The following MAP3K4 variants were observed in gnomAD, a reference collection of about 807,000 sequenced individuals.
The protein encoded by MAP3K4 is MAP three kinase 1.
MAP3K4 carries 67 observed loss-of-function variants against 185.6 expected under a neutral mutation model. That is an observed-to-expected ratio of 0.36 (90% CI 0.30 to 0.44). The LOEUF is 0.44. Among genes scored for constraint, MAP3K4 ranks in the 20% least tolerant of loss-of-function variants. The probability of loss-of-function intolerance (pLI) is 1.00; values close to 1 mark genes in which losing one functional copy is unlikely to be tolerated. For synonymous variants in MAP3K4, 702 were observed against 710.4 expected (o/e 0.99, Z 0.19); for missense variants, 1,551 against 1,995.1 (o/e 0.78, Z 4.24).
In MAP3K4 at chr6:161,068,049, G is replaced by A. The variant is rs192359829; in HGVS notation, c.1708-2559G>A. Among the ~76,000 whole-genome samples the A allele has an allele frequency of 2.0e-5, 3 of 152,248 alleles. No individual in the cohort carries two copies. In the East Asian group the frequency reaches 5.8e-4, roughly 29 times the overall value. ...AAGAAGAAACACTGGCACTTTTATA[G>A]GAGTATTTACCTATTAATTTATTCA... On this transcript the variant is annotated intron_variant, in intron 3 of 26. Coordinates refer to ENST00000392142, the MANE Select transcript of MAP3K4 (RefSeq NM_005922.4).
intron 1 of MAP3K4, among the ~76,000 whole-genome samples, chr6:161,019,552 G>A (rs1260419445): frequency 5.3e-5 from 8 of 152,106 alleles, no homozygotes; most frequent in Admixed American, 3.9e-4. Context: ...AATTACAGGC[G>A]TGTGCTACCA....
intron 2 of MAP3K4, among the ~76,000 whole-genome samples, chr6:161,041,908 G>GTTTTTTTTTT: frequency 1.1e-5 from 1 of 94,396 alleles, no homozygotes; most frequent in African/African-American, 4.3e-5. Flanking sequence ...TTGAGTTATT[G>GTTTTTTTTTT]TTTCTTTTTT....
At chr6:161,094,830 A>G (rs936642505) in intron 15 of MAP3K4, among the ~76,000 whole-genome samples, 1 of 152,244 alleles carries the variant, frequency 6.6e-6, no homozygotes, top group African/African-American at 2.4e-5. Flanking sequence ...GTTATTGCTT[A>G]AGCTGTGAAT....
Position 161,088,061 on chromosome 6 carries a change from A to C in MAP3K4, c.2823+107A>C. 1.7e-6 allele frequency: 2 copies of C among 1,162,290 alleles called. No homozygotes were observed. The highest frequency in any genetic ancestry group is 3.1e-5 in the South Asian group (2 of 63,640). The allele number at this position is 1,162,290 out of a possible 1,614,324, so 72.0% of individuals were successfully genotyped here. On this transcript the variant is annotated intron_variant, in intron 10 of 26. Transcript: ENST00000392142. The surrounding 1 kb of genome is among the most constrained non-coding windows in gnomAD (Gnocchi z 4.5). ...GGGTTTGACTACCCTAGTAATCACAAGTATATACTTCCCAAAAATATGCCT... is the reference window on the plus strand; with the variant it reads ...GGGTTTGACTACCCTAGTAATCACACGTATATACTTCCCAAAAATATGCCT...
In MAP3K4 at chr6:161,087,797, C is replaced by G. The variant is rs762668718; in HGVS notation, c.2666C>G (p.Ser889Ter). 2 of 1,614,024 alleles carry G rather than the reference C, an allele frequency of 1.2e-6. No homozygotes were observed. The highest frequency in any genetic ancestry group is 1.7e-6 in the Non-Finnish European group (2 of 1,180,036). Reference sequence around the variant, plus strand: ...AATGCAGCTGCAGGAAAGGACTGTTCAAAAGATTCAGATGACGTACTCATC... The same window carrying G: ...AATGCAGCTGCAGGAAAGGACTGTTGAAAAGATTCAGATGACGTACTCATC... ...LLNAAAGKDCSKDSDDVLIDA... is the reference protein window; with the variant it reads ...LLNAAAGKDC Residue 889 changes from serine to a stop codon, truncating the protein, a stop_gained, in exon 10 of 27, where the codon TCA becomes TGA. Transcript: ENST00000392142. LOFTEE classifies it high-confidence loss of function. This position sits in a 1 kb window ranked among gnomAD's most constrained non-coding sequence, Gnocchi z 4.9.
In MAP3K4 at chr6:161,075,941, TAGGA is replaced by T. The variant is rs984163172; in HGVS notation, c.2097+2339_2097+2342del. 6.6e-6 allele frequency among the ~76,000 whole-genome samples: 1 copy of T among 152,084 alleles called. No homozygotes were observed. Among genetic ancestry groups the T allele is most frequent in the African/African-American group, 2.4e-5 (1 of 41,406 alleles). ...GCCCAAACAAAATCAGTGTTTCTAT[TAGGA>T]AGGAAGGAAAGAACAGCAATTGAAT... On this transcript the variant is annotated intron_variant, in intron 5 of 26. Transcript: ENST00000392142. The surrounding 1 kb of genome is among the most constrained non-coding windows in gnomAD (Gnocchi z 4.3).
At position 161,086,492 on chromosome 6, in the gene MAP3K4, C is replaced by G; in HGVS notation, c.2472+14C>G. Reference sequence around the variant, plus strand: ...ATGTTGAGAAAGGTGAGCTTGCAATCCTGATTAATTAGTACCTTTTTTCTT... The same window carrying G: ...ATGTTGAGAAAGGTGAGCTTGCAATGCTGATTAATTAGTACCTTTTTTCTT... On this transcript the variant is annotated intron_variant, in intron 8 of 26. Coordinates refer to ENST00000392142, the MANE Select transcript of MAP3K4 (RefSeq NM_005922.4). This position sits in a 1 kb window ranked among gnomAD's most constrained non-coding sequence, Gnocchi z 4.8. The G allele has an allele frequency of 6.2e-7, 1 of 1,610,152 alleles. No individual in the cohort carries two copies. The highest frequency in any genetic ancestry group is 8.5e-7 in the Non-Finnish European group (1 of 1,177,232).
In MAP3K4 at chr6:161,109,941, T is replaced by G. The variant is rs986799910; in HGVS notation, c.4396+27T>G. Reference sequence around the variant, plus strand: ...TAATCCCACACCCGCCTGGCTGCTGTGGGCCAGAGCCACTGGTACCCAGCC... The same window carrying G: ...TAATCCCACACCCGCCTGGCTGCTGGGGGCCAGAGCCACTGGTACCCAGCC... On this transcript the variant is annotated intron_variant, in intron 23 of 26. Transcript: ENST00000392142. The surrounding 1 kb of genome is among the most constrained non-coding windows in gnomAD (Gnocchi z 5.7). 2 of 1,611,854 alleles carry G rather than the reference T, an allele frequency of 1.2e-6. No homozygotes were observed. The highest frequency in any genetic ancestry group is 2.7e-5 in the African/African-American group (2 of 74,836).
chr6:161,007,655 A>G lies in MAP3K4; in HGVS notation c.152+15572A>G, dbSNP rs1006426348. Among the ~76,000 whole-genome samples, 6 of 152,216 alleles carry G rather than the reference A, an allele frequency of 3.9e-5. No individual in the cohort carries two copies. The highest frequency in any genetic ancestry group is 1.4e-4 in the African/African-American group (6 of 41,440). On this transcript the variant is annotated intron_variant, in intron 1 of 26. Transcript: ENST00000392142. This position sits in a 1 kb window ranked among gnomAD's most constrained non-coding sequence, Gnocchi z 4.5. The stretch of plus-strand genomic sequence containing the variant: ...TCCTGTATAGCCTCTGAAAATCTGT[A>G]AAGGTTTTTCTCCTTTTTAAAAAAA...
intron 1 of MAP3K4, among the ~76,000 whole-genome samples, chr6:161,030,338 T>C (rs946868125): frequency 1.8e-4 from 28 of 152,226 alleles, no homozygotes; most frequent in Admixed American, 1.8e-3. Flanking sequence ...ATTTCAGATA[T>C]ATTTTTTATC....
intron 1 of MAP3K4, among the ~76,000 whole-genome samples, chr6:161,015,916 G>GT (rs1399112798): frequency 2.0e-5 from 3 of 152,168 alleles, no homozygotes; most frequent in Non-Finnish European, 4.4e-5. Flanking sequence ...AACTATAGCA[G>GT]TGGGAGTACT....
chr6:161,115,732 T>G lies in MAP3K4; in HGVS notation c.4806+430T>G, dbSNP rs1043526271. ...TTTCTCTAGAATGAGGTACCTTAGT[T>G]GTTTAAGAGCCACAGCCAGGTCAGA... On this transcript the variant is annotated intron_variant, in intron 26 of 26. Transcript: ENST00000392142. This position sits in a 1 kb window ranked among gnomAD's most constrained non-coding sequence, Gnocchi z 6.0. Among the ~76,000 whole-genome samples the G allele has an allele frequency of 6.6e-6, 1 of 152,150 alleles. No homozygotes were observed. The highest frequency in any genetic ancestry group is 1.5e-5 in the Non-Finnish European group (1 of 68,024).
intron 15 of MAP3K4, among the ~76,000 whole-genome samples, chr6:161,095,890 T>C (rs1413988919): frequency 1.3e-5 from 2 of 152,356 alleles, no homozygotes; most frequent in Non-Finnish European, 2.9e-5. Context: ...TTTTGTTTCA[T>C]GCAAAACATG....
At chr6:161,016,676 C>G (rs1312232967) in intron 1 of MAP3K4, among the ~76,000 whole-genome samples, 3 of 152,216 alleles carry the variant, frequency 2.0e-5, no homozygotes, top group Non-Finnish European at 4.4e-5. Context: ...GCTGGACTCT[C>G]TCAGTTCTGT....
At chr6:161,031,721 C>T (rs1291894307) in intron 1 of MAP3K4, among the ~76,000 whole-genome samples, 1 of 149,732 alleles carries the variant, frequency 6.7e-6, no homozygotes, top group African/African-American at 2.5e-5. Flanking sequence ...GTTTCCATTA[C>T]TTTAATTTTA....
chr6:161,094,107 A>G (rs1347414764), intron 15 of MAP3K4, among the ~76,000 whole-genome samples: 2 of 152,196 alleles, frequency 1.3e-5, no homozygotes, highest in African/African-American at 2.4e-5. Flanking sequence ...ATTTCTTTCT[A>G]TACCAACACT....
rs1783588076 is a variant in MAP3K4, at chr6:161,043,572, C to G, written c.344-5044C>G. On this transcript the variant is annotated intron_variant, in intron 2 of 26. Coordinates refer to ENST00000392142, the MANE Select transcript of MAP3K4 (RefSeq NM_005922.4). The surrounding 1 kb of genome is among the most constrained non-coding windows in gnomAD (Gnocchi z 4.3). ...CTAACCATCTGTGTTCTGTGATAAT[C>G]TTCATCATCATGTTGTTACGAAAAT... Among the ~76,000 whole-genome samples, 1 of 152,188 alleles carries G rather than the reference C, an allele frequency of 6.6e-6. No individual in the cohort carries two copies. Among genetic ancestry groups the G allele is most frequent in the African/African-American group, 2.4e-5 (1 of 41,454 alleles).
rs1053966553 is a variant in MAP3K4, at chr6:161,100,468, G to A, written c.3675-1424G>A. Among the ~76,000 whole-genome samples the A allele has an allele frequency of 9.2e-5, 14 of 152,126 alleles. No individual in the cohort carries two copies. The highest frequency in any genetic ancestry group is 5.2e-4 in the Admixed American group (8 of 15,268). On this transcript the variant is annotated intron_variant, in intron 17 of 26. Transcript: ENST00000392142. The surrounding 1 kb of genome is among the most constrained non-coding windows in gnomAD (Gnocchi z 5.8). ...TCTGGGCTTAAGTTATCTTATCATC[G>A]TTTGTAAAAACACTTTGCAGTGGTG...
At chr6:161,059,998 C>G (rs1425344634) in intron 3 of MAP3K4, among the ~76,000 whole-genome samples, 1 of 151,962 alleles carries the variant, frequency 6.6e-6, no homozygotes, top group Non-Finnish European at 1.5e-5. Context: ...AATAGAGTGG[C>G]TTGATCAAAT....
Sources: allele counts gnomAD v4.1 joint callset (sites outside exome capture counted in the v4.1 genomes callset), GRCh38; gene constraint gnomAD v4.1.1; non-coding constraint Gnocchi (gnomAD v3.1); transcripts MANE v1.5; gene names NCBI Gene and HGNC (gene_info 2026-07-23, HGNC 2026-07-21).